Variants in XYLT1 observed in about 807,000 individuals in gnomAD.
XYLT1 encodes the protein beta-D-xylosyltransferase 1.
In XYLT1, 36 loss-of-function variants were observed where a neutral mutation model predicts 91.3. The observed-to-expected ratio is 0.39, with a 90% CI of 0.30 to 0.52. XYLT1 has a LOEUF of 0.52. Ranked by LOEUF, XYLT1 falls within the 20% of genes least tolerant of loss-of-function variation. The pLI is 0.68. For missense variants in XYLT1, 1,242 were observed against 1,284.5 expected, an observed-to-expected ratio of 0.97 and a Z score of 0.51; for synonymous variants, 588 against 532.0, an observed-to-expected ratio of 1.11 and a Z score of -1.45.
intron 3 of XYLT1, among the ~76,000 whole-genome samples, chr16:17,225,333 G>A (rs990719871): frequency 6.6e-6 from 1 of 151,982 alleles, no homozygotes; most frequent in African/African-American, 2.4e-5. Flanking sequence ...AATTTGCAGG[G>A]CTCACTACAG....
intron 2 of XYLT1, among the ~76,000 whole-genome samples, chr16:17,333,896 A>T (rs891138052): frequency 6.6e-6 from 1 of 152,052 alleles, no homozygotes; most frequent in African/African-American, 2.4e-5. Flanking sequence ...CTCATGTTGA[A>T]ATTTAATCCC....
chr16:17,201,286 T>A (rs1368345281), intron 3 of XYLT1, among the ~76,000 whole-genome samples: 1 of 152,148 alleles, frequency 6.6e-6, no homozygotes, highest in Non-Finnish European at 1.5e-5. Context: ...TTAGTCCATA[T>A]GGGTGGGGAA....
At chr16:17,301,343 G>A (rs1446001033) in intron 2 of XYLT1, among the ~76,000 whole-genome samples, 1 of 152,112 alleles carries the variant, frequency 6.6e-6, no homozygotes, top group Non-Finnish European at 1.5e-5. Context: ...TCAGGAGGCA[G>A]TGGTTGCACT....
rs577993153 is a variant in XYLT1, at chr16:17,145,839, T to C, written c.1371-4470A>G. On this transcript the variant is annotated intron_variant, in intron 6 of 11. Coordinates refer to ENST00000261381, the MANE Select transcript of XYLT1 (RefSeq NM_022166.4). ...AATGCTTCCTCTTCCACTGAGCCAG[T>C]CTGCTCAGAGTTCTAGAGCTGTCTG... is the stretch of plus-strand genomic sequence containing the variant. Among the ~76,000 whole-genome samples the C allele has an allele frequency of 8.5e-5, 13 of 152,362 alleles. No homozygotes were observed. The South Asian group carries it at 2.3e-3, about 27-fold the overall frequency.
intron 2 of XYLT1, among the ~76,000 whole-genome samples, chr16:17,262,387 G>T (rs1042927365): frequency 6.6e-6 from 1 of 152,172 alleles, no homozygotes; most frequent in Admixed American, 6.5e-5. Flanking sequence ...ACTTGCATCT[G>T]CCTGATTCTA....
intron 1 of XYLT1, among the ~76,000 whole-genome samples, chr16:17,464,427 G>T (rs1394659598): frequency 6.6e-6 from 1 of 151,276 alleles, no homozygotes; most frequent in African/African-American, 2.4e-5. Context: ...GAGAGGCGGA[G>T]GTAGCAGTGA....
chr16:17,287,503 C>A (rs2034159893), intron 2 of XYLT1, among the ~76,000 whole-genome samples: 1 of 152,208 alleles, frequency 6.6e-6, no homozygotes, highest in African/African-American at 2.4e-5. Flanking sequence ...CAAATCTCCC[C>A]ACCCCAATCA....
intron 9 of XYLT1, among the ~76,000 whole-genome samples, chr16:17,129,062 A>G (rs550934521): frequency 0.01 from 1,068 of 105,774 alleles, 13 homozygotes; most frequent in African/African-American, 0.035. Flanking sequence ...GATGCCTTCC[A>G]GGGAGCATAG....
At chr16:17,432,073 TAAG>T (rs751807414) in intron 1 of XYLT1, among the ~76,000 whole-genome samples, 10 of 152,000 alleles carry the variant, frequency 6.6e-5, no homozygotes, top group Non-Finnish European at 1.3e-4. Flanking sequence ...ATCCAGTTTA[TAAG>T]AAGATAAAAA....
intron 1 of XYLT1, among the ~76,000 whole-genome samples, chr16:17,385,269 T>TAAACACACATAC (rs2035733657): frequency 8.3e-6 from 1 of 120,012 alleles, no homozygotes; most frequent in East Asian, 2.7e-4. Context: ...TAAACACACA[T>TAAACACACATAC]ACACACACAC....
intron 1 of XYLT1, among the ~76,000 whole-genome samples, chr16:17,370,268 G>C (rs1302866501): frequency 6.6e-6 from 1 of 152,206 alleles, no homozygotes; most frequent in Non-Finnish European, 1.5e-5. Flanking sequence ...CAAGCAAGTT[G>C]ATAATCAACA....
At chr16:17,197,909 TGTTA>T in intron 5 of XYLT1, 1 of 425,336 alleles carries the variant, frequency 2.4e-6, no homozygotes, top group East Asian at 4.3e-5. Context: ...ACACCTATCC[TGTTA>T]GTTCTGTCCC....
chr16:17,158,700 A>G, intron 6 of XYLT1, 129 bp downstream of exon 6: 1 of 916,968 alleles, frequency 1.1e-6, no homozygotes, highest in Non-Finnish European at 1.7e-6. Context: ...AGCGAAGGAC[A>G]GCTGGTGCCA....
Position 17,379,763 on chromosome 16 carries a change from T to TCTCACACACACA in XYLT1, c.364-21714_364-21713insTGTGTGTGTGAG, listed in dbSNP as rs373354877. 2.2e-4 allele frequency among the ~76,000 whole-genome samples: 28 copies of TCTCACACACACA among 125,620 alleles called. No individual in the cohort carries two copies. The South Asian group carries it at 4.1e-3, about 19-fold the overall frequency. The allele number at this position is 125,620 out of a possible 152,430, so 82.4% of individuals were successfully genotyped here. On this transcript the variant is annotated intron_variant, in intron 1 of 11. Transcript: ENST00000261381. ...CTCTCTCTCTCTCTCTCTCTCTCTC[T>TCTCACACACACA]CACACACACACACACACACACACAC...
Position 17,397,814 on chromosome 16 carries a change from A to G in XYLT1, c.364-39764T>C, listed in dbSNP as rs943466825. On this transcript the variant is annotated intron_variant, in intron 1 of 11. Transcript: ENST00000261381. ...CTACGATTTTACTAGGGCACTCCATAGTTTGAATAGCTCTTTTTTTTTTTT... is the reference window on the plus strand; with the variant it reads ...CTACGATTTTACTAGGGCACTCCATGGTTTGAATAGCTCTTTTTTTTTTTT... 7.5e-5 allele frequency among the ~76,000 whole-genome samples: 11 copies of G among 147,222 alleles called. 1 individual carries two copies. In the South Asian group the frequency reaches 2.0e-3, roughly 26 times the overall value.
chr16:17,391,906 G>A (rs750259403), intron 1 of XYLT1, among the ~76,000 whole-genome samples: 40 of 152,120 alleles, frequency 2.6e-4, no homozygotes, highest in Non-Finnish European at 5.0e-4. Flanking sequence ...CTGCCTCTAC[G>A]TAAGATGGGC....
intron 2 of XYLT1, among the ~76,000 whole-genome samples, chr16:17,343,473 A>G (rs1196138953): frequency 6.6e-6 from 1 of 152,010 alleles, no homozygotes; most frequent in Non-Finnish European, 1.5e-5. Context: ...TTTAAAATGA[A>G]AAAAAAGAAT....
At chr16:17,223,821 C>G (rs995001360) in intron 3 of XYLT1, among the ~76,000 whole-genome samples, 1 of 152,220 alleles carries the variant, frequency 6.6e-6, no homozygotes, top group African/African-American at 2.4e-5. Context: ...CCACTGGCTA[C>G]AGTTTACCCA....
chr16:17,306,312 G>A (rs1156810140), intron 2 of XYLT1, among the ~76,000 whole-genome samples: 2 of 152,080 alleles, frequency 1.3e-5, no homozygotes, highest in South Asian at 2.1e-4. Flanking sequence ...AGAAAAATTC[G>A]AGCTACACAC....
Sources: allele counts gnomAD v4.1 joint callset (sites outside exome capture counted in the v4.1 genomes callset), GRCh38; gene constraint gnomAD v4.1.1; transcripts MANE v1.5; gene names NCBI Gene and HGNC (gene_info 2026-07-23, HGNC 2026-07-21).